KYNU: variants seen among roughly 807,000 people sequenced by gnomAD.
The protein encoded by KYNU is L-kynurenine hydrolase.
KYNU carries 54 observed loss-of-function variants against 59.2 expected under a neutral mutation model. The ratio of observed to expected loss-of-function variants is 0.91; its 90% CI spans 0.73 to 1.14. The LOEUF is 1.14. KYNU is among the 50% of genes most tolerant of loss of function. The pLI is 0.00. For missense variants in KYNU, 567 were observed against 554.4 expected (o/e 1.02, Z -0.23); for synonymous variants, 177 against 192.0 (o/e 0.92, Z 0.65).
chr2:143,038,298 T>C (rs962602247), intron 12 of KYNU, among the ~76,000 whole-genome samples: 1 of 152,144 alleles, frequency 6.6e-6, no homozygotes, highest in Non-Finnish European at 1.5e-5. Flanking sequence ...ATTCCTCACA[T>C]AGTCTTTTTA....
At chr2:143,014,271 C>A (rs978334141) in intron 10 of KYNU, among the ~76,000 whole-genome samples, 1 of 152,236 alleles carries the variant, frequency 6.6e-6, no homozygotes, top group Non-Finnish European at 1.5e-5. Flanking sequence ...ACCCTCCCAG[C>A]CTCATCCCTT....
At chr2:142,988,916 T>C (rs769169725) in intron 10 of KYNU, 2 of 1,586,528 alleles carry the variant, frequency 1.3e-6, no homozygotes, top group South Asian at 2.2e-5. Flanking sequence ...TATTTTCCAG[T>C]CATCACTTCA....
chr2:142,942,261 AC>A (rs1335883898), intron 4 of KYNU, among the ~76,000 whole-genome samples: 1 of 151,958 alleles, frequency 6.6e-6, no homozygotes, highest in Non-Finnish European at 1.5e-5. Context: ...TTGTTTGCAA[AC>A]CCCATGCAGC....
chr2:142,994,586 C>T (rs1327662499), intron 10 of KYNU, among the ~76,000 whole-genome samples: 2 of 151,978 alleles, frequency 1.3e-5, no homozygotes, highest in Non-Finnish European at 2.9e-5. Flanking sequence ...AGAAAATAAC[C>T]ATGTGGCACT....
At chr2:142,946,545 TA>T (rs569418497) in intron 4 of KYNU, among the ~76,000 whole-genome samples, 4 of 152,152 alleles carry the variant, frequency 2.6e-5, no homozygotes, top group South Asian at 2.1e-4. Context: ...GTTTTGAAAA[TA>T]TTTCTTTTTC....
intron 2 of KYNU, among the ~76,000 whole-genome samples, chr2:142,903,370 T>C (rs1682175160): frequency 6.6e-6 from 1 of 152,116 alleles, no homozygotes; most frequent in African/African-American, 2.4e-5. Context: ...TTCCTTTTCC[T>C]ATGTTCAGGT....
intron 12 of KYNU, among the ~76,000 whole-genome samples, chr2:143,039,006 G>A (rs1353180387): frequency 6.6e-6 from 1 of 152,048 alleles, no homozygotes; most frequent in African/African-American, 2.4e-5. Context: ...TTGACCTTAA[G>A]AGATAAGCCA....
At chr2:142,900,954 G>T (rs1007144549) in intron 2 of KYNU, among the ~76,000 whole-genome samples, 1 of 151,862 alleles carries the variant, frequency 6.6e-6, no homozygotes, top group South Asian at 2.1e-4. Context: ...AACTTAACAA[G>T]GATGTTAAAG....
At chr2:142,903,886 C>G (rs1299726178) in intron 2 of KYNU, among the ~76,000 whole-genome samples, 1 of 152,126 alleles carries the variant, frequency 6.6e-6, no homozygotes, top group African/African-American at 2.4e-5. Context: ...ATTAGGCATT[C>G]AATTTGTCCA....
chr2:142,968,395 A>AC, intron 8 of KYNU, among the ~76,000 whole-genome samples: 1 of 152,164 alleles, frequency 6.6e-6, no homozygotes, highest in African/African-American at 2.4e-5. Context: ...AAAAGGGAGG[A>AC]CAAGTCTATA....
At chr2:143,026,728 T>C (rs1197908706) in intron 10 of KYNU, among the ~76,000 whole-genome samples, 2 of 144,442 alleles carry the variant, frequency 1.4e-5, no homozygotes, top group East Asian at 4.2e-4. Flanking sequence ...CAGTGCTCTT[T>C]TAGCTCTGCT....
chr2:143,032,715 G>A (rs546225154), intron 11 of KYNU, among the ~76,000 whole-genome samples: 1 of 148,680 alleles, frequency 6.7e-6, no homozygotes, highest in African/African-American at 2.5e-5. Flanking sequence ...CCTCTATTGT[G>A]TGTGTGTGTG....
chr2:142,959,954 A>C (rs1411660750), intron 7 of KYNU, among the ~76,000 whole-genome samples: 1 of 152,080 alleles, frequency 6.6e-6, no homozygotes, highest in Non-Finnish European at 1.5e-5. Context: ...TCTGAGACAG[A>C]GTTGCTCTGT....
intron 4 of KYNU, among the ~76,000 whole-genome samples, chr2:142,938,574 A>G (rs1015595619): frequency 6.6e-6 from 1 of 152,218 alleles, no homozygotes; most frequent in Non-Finnish European, 1.5e-5. Flanking sequence ...CAGTTTGTTT[A>G]CATCTCCATT....
At chr2:142,988,699 C>A in intron 10 of KYNU, 1 of 710,216 alleles carries the variant, frequency 1.4e-6, no homozygotes, top group East Asian at 2.6e-5. Flanking sequence ...TTAAGGAAAA[C>A]CTTGGTTGTT....
intron 10 of KYNU, among the ~76,000 whole-genome samples, chr2:143,021,267 G>A (rs1017397218): frequency 6.6e-6 from 1 of 152,074 alleles, no homozygotes; most frequent in Non-Finnish European, 1.5e-5. Flanking sequence ...GGTCTATAGA[G>A]TTGATCCTGA....
At chr2:142,889,293 A>T (rs1681622047) in intron 2 of KYNU, among the ~76,000 whole-genome samples, 1 of 152,226 alleles carries the variant, frequency 6.6e-6, no homozygotes, top group Admixed American at 6.5e-5. Flanking sequence ...ATCTAACCGT[A>T]ATCAACAGAC....
chr2:142,954,244 T>C lies in KYNU; in HGVS notation c.374-566T>C, dbSNP rs539065628. On this transcript the variant is annotated intron_variant, in intron 4 of 13. Transcript: ENST00000264170. ...TTTCTCATCAGACAATACACGTCTA[T>C]ATTATCTTTTATCTCAGTGTGTATG... 5.9e-5 allele frequency among the ~76,000 whole-genome samples: 9 copies of C among 152,226 alleles called. No individual in the cohort carries two copies. The East Asian group carries it at 1.5e-3, about 26-fold the overall frequency.
chr2:142,922,243 G>C (rs774542852), intron 3 of KYNU, among the ~76,000 whole-genome samples: 19 of 152,338 alleles, frequency 1.2e-4, no homozygotes, highest in Admixed American at 2.6e-4. Flanking sequence ...GTTCAAGGCT[G>C]TAACCCCAGG....
Sources: allele counts gnomAD v4.1 joint callset (sites outside exome capture counted in the v4.1 genomes callset), GRCh38; gene constraint gnomAD v4.1.1; transcripts MANE v1.5; gene names NCBI Gene and HGNC (gene_info 2026-07-23, HGNC 2026-07-21).